The following TM9SF3 variants were observed in gnomAD, a reference collection of about 807,000 sequenced individuals.
TM9SF3 encodes the protein SM-11044-binding protein.
TM9SF3 carries 14 observed loss-of-function variants against 78.6 expected under a neutral mutation model. The observed-to-expected ratio is 0.18, with a 90% confidence interval of 0.12 to 0.28. TM9SF3 has a LOEUF of 0.28. TM9SF3 is among the 10% of genes least tolerant of loss of function. TM9SF3 has a pLI of 1.00. For synonymous variants in TM9SF3, 231 were observed against 241.7 expected, an observed-to-expected ratio of 0.96 and a Z score of 0.41; for missense variants, 496 against 721.9, an observed-to-expected ratio of 0.69 and a Z score of 3.59.
intron 7 of TM9SF3, among the ~76,000 whole-genome samples, chr10:96,548,961 C>T (rs1232977084): frequency 6.6e-6 from 1 of 152,062 alleles, no homozygotes; most frequent in African/African-American, 2.4e-5. Flanking sequence ...GAAAAATCTG[C>T]TGAGGGAGGC....
intron 5 of TM9SF3, among the ~76,000 whole-genome samples, chr10:96,556,208 G>C (rs953728682): frequency 7.3e-5 from 11 of 150,182 alleles, no homozygotes; most frequent in African/African-American, 1.2e-4. Flanking sequence ...ACCCTCTAGT[G>C]TCACTAATCC....
At chr10:96,572,366 C>G (rs1408527718) in intron 2 of TM9SF3, among the ~76,000 whole-genome samples, 1 of 151,612 alleles carries the variant, frequency 6.6e-6, no homozygotes, top group African/African-American at 2.4e-5. Flanking sequence ...AGAGGCAAAG[C>G]TGGATGCATC....
chr10:96,565,444 T>C lies in TM9SF3; in HGVS notation c.299-18A>G. 1 of 1,535,312 alleles carries C rather than the reference T, an allele frequency of 6.5e-7. No individual in the cohort carries two copies. Among genetic ancestry groups the C allele is most frequent in the Non-Finnish European group, 8.7e-7 (1 of 1,155,830 alleles). On this transcript the variant is annotated intron_variant, in intron 2 of 14. Transcript: ENST00000371142. ...CACATCATCTGCACAAAATAAAAAT[T>C]GCAAATTAGCCCACTAGTTTGCAAA...
intron 1 of TM9SF3, among the ~76,000 whole-genome samples, chr10:96,579,173 T>C (rs1385071091): frequency 6.6e-6 from 1 of 152,166 alleles, no homozygotes; most frequent in Non-Finnish European, 1.5e-5. Context: ...ATTGGCAACT[T>C]GGTAAAAGAA....
intron 10 of TM9SF3, among the ~76,000 whole-genome samples, chr10:96,532,337 T>C (rs1847907808): frequency 6.6e-6 from 1 of 152,134 alleles, no homozygotes; most frequent in African/African-American, 2.4e-5. Flanking sequence ...CTATAGGGGC[T>C]ATTTTATTCA....
chr10:96,526,334 A>G (rs2134128650), intron 14 of TM9SF3, among the ~76,000 whole-genome samples: 1 of 151,978 alleles, frequency 6.6e-6, no homozygotes, highest in African/African-American at 2.4e-5. Context: ...CCTCACAACC[A>G]CTCTGAAAGA....
chr10:96,544,012 T>C lies in TM9SF3; in HGVS notation c.1185+64A>G, dbSNP rs1848067749. On this transcript the variant is annotated intron_variant, in intron 9 of 14. Transcript: ENST00000371142. ...ATCTAATAAGAAGTATTTTGGAGGG[T>C]GAGTAGGTCTCAGTTAGAATGTGTA... is the stretch of plus-strand genomic sequence containing the variant. 2.0e-6 allele frequency: 3 copies of C among 1,510,532 alleles called. No homozygotes were observed. The East Asian group carries it at 6.9e-5, about 35-fold the overall frequency. 93.6% of individuals were successfully genotyped at this position (1,510,532 alleles called of 1,614,324 possible).
chr10:96,530,865 C>A (rs1383894815), intron 10 of TM9SF3, among the ~76,000 whole-genome samples: 2 of 152,184 alleles, frequency 1.3e-5, no homozygotes, highest in Admixed American at 1.3e-4. Context: ...CTGACACTGG[C>A]AGAACTTCAA....
At chr10:96,544,267 G>C in intron 8 of TM9SF3, 61 bp from the exon 9 acceptor site, 1 of 1,373,604 alleles carries the variant, frequency 7.3e-7, no homozygotes, top group Non-Finnish European at 9.7e-7. Flanking sequence ...TTATTTGTTT[G>C]AAATTTTAAT....
In TM9SF3 at chr10:96,521,274, T is replaced by A; in HGVS notation, c.*989A>T. 5.5e-6 allele frequency: 1 copy of A among 182,286 alleles called. No individual in the cohort carries two copies. 11.3% of individuals were successfully genotyped at this position (182,286 alleles called of 1,614,324 possible). ...TAAGAAAAAAGTACTCTGTAGTCGA[T>A]CTGTACATCCAAATGCATTTGGGAA... On this transcript the variant is annotated 3_prime_UTR_variant, in exon 15 of 15. Transcript: ENST00000371142.
chr10:96,541,976 C>T (rs1359930828), intron 9 of TM9SF3, among the ~76,000 whole-genome samples: 1 of 152,186 alleles, frequency 6.6e-6, no homozygotes, highest in African/African-American at 2.4e-5. Context: ...GCAGGACAGA[C>T]TAATTAGCTT....
chr10:96,560,575 A>C (rs775343595), intron 4 of TM9SF3: 76 of 684,946 alleles, frequency 1.1e-4, no homozygotes, highest in South Asian at 1.8e-4. Context: ...GAACAGGAGG[A>C]GGCGAAATTC....
chr10:96,576,191 T>TC (rs1385019491), intron 2 of TM9SF3, among the ~76,000 whole-genome samples: 1 of 152,190 alleles, frequency 6.6e-6, no homozygotes, highest in African/African-American at 2.4e-5. Context: ...ATGAAGGTCT[T>TC]CCCGGGCCAC....
Position 96,553,281 on chromosome 10 carries a change from T to C in TM9SF3, c.661-222A>G, listed in dbSNP as rs2274113. On this transcript the variant is annotated intron_variant, in intron 5 of 14. Transcript: ENST00000371142. ...GCACCCATATGTTGAAAACATGCTA[T>C]CATTTATATAAATTTTCAAAATCAA... is the stretch of plus-strand genomic sequence containing the variant. 7.7e-4 allele frequency among the ~76,000 whole-genome samples: 118 copies of C among 152,310 alleles called. 3 individuals are homozygous for C. In the East Asian group the frequency reaches 0.02, roughly 26 times the overall value.
Position 96,576,799 on chromosome 10 carries a change from T to C in TM9SF3, c.133A>G (p.Met45Val). 6.5e-7 allele frequency: 1 copy of C among 1,543,406 alleles called. No homozygotes were observed. The highest frequency in any genetic ancestry group is 8.7e-7 in the Non-Finnish European group (1 of 1,151,426). ...YQDKEEVVLW[M>V]NTVGPYHNRQ... ...TTATGGTAGGGCCCAACAGTATTCA[T>C]CCATAAGACAACTTCCTCTTTATCT... is the stretch of plus-strand genomic sequence containing the variant. The change falls in exon 2 of 15, where the codon ATG becomes GTG. Residue 45 changes from methionine (M) to valine (V), a missense_variant. Coordinates refer to ENST00000371142, the MANE Select transcript of TM9SF3 (RefSeq NM_020123.4).
At chr10:96,575,882 A>G (rs1848490849) in intron 2 of TM9SF3, among the ~76,000 whole-genome samples, 1 of 152,196 alleles carries the variant, frequency 6.6e-6, no homozygotes, top group Non-Finnish European at 1.5e-5. Context: ...CAGGAAATAC[A>G]CTCTCTGACA....
intron 5 of TM9SF3, among the ~76,000 whole-genome samples, chr10:96,557,528 C>G (rs1326021156): frequency 1.3e-5 from 2 of 152,128 alleles, no homozygotes; most frequent in East Asian, 3.8e-4. Flanking sequence ...TTTGTTACCC[C>G]CCTGCTGAAA....
chr10:96,586,971 C>G lies in TM9SF3; in HGVS notation c.-136G>C. The G allele has an allele frequency of 1.6e-6, 1 of 608,086 alleles. No individual in the cohort carries two copies. Among genetic ancestry groups the G allele is most frequent in the Non-Finnish European group, 2.2e-6 (1 of 452,410 alleles). The allele number at this position is 608,086 out of a possible 1,614,324, so 37.7% of individuals were successfully genotyped here. On this transcript the variant is annotated 5_prime_UTR_variant, in exon 1 of 15. Coordinates refer to ENST00000371142, the MANE Select transcript of TM9SF3 (RefSeq NM_020123.4). ...AGACGCACGGGGCCCGGCCCAGCCGCTGCCTCCTCTGCCGCCGCCGTCGCC... is the reference window on the plus strand; with the variant it reads ...AGACGCACGGGGCCCGGCCCAGCCGGTGCCTCCTCTGCCGCCGCCGTCGCC...
intron 7 of TM9SF3, among the ~76,000 whole-genome samples, chr10:96,549,008 T>C (rs1848134504): frequency 6.6e-6 from 1 of 152,032 alleles, no homozygotes; most frequent in African/African-American, 2.4e-5. Flanking sequence ...AGATGGGATG[T>C]GGGGAACATC....
Sources: allele counts gnomAD v4.1 joint callset (sites outside exome capture counted in the v4.1 genomes callset), GRCh38; gene constraint gnomAD v4.1.1; transcripts MANE v1.5; gene names NCBI Gene and HGNC (gene_info 2026-07-23, HGNC 2026-07-21).